Variants in XRCC1 observed in about 807,000 individuals in gnomAD.
XRCC1 encodes X-ray repair cross complementing 1.
XRCC1 carries 52 observed loss-of-function variants against 83.3 expected under a neutral mutation model. The ratio of observed to expected loss-of-function variants is 0.62; its 90% CI spans 0.50 to 0.79. XRCC1 has a LOEUF of 0.79. Ranked by LOEUF, XRCC1 falls within the 30% of genes least tolerant of loss-of-function variation. The pLI, the probability that XRCC1 is intolerant of heterozygous loss-of-function variation, is 0.00. For synonymous variants in XRCC1, 281 were observed against 312.6 expected (o/e 0.90, Z 1.07); for missense variants, 793 against 823.5 (o/e 0.96, Z 0.45).
rs1460376866 is a variant in XRCC1, at chr19:43,560,901, C to G, written c.255+9G>C. On this transcript the variant is annotated intron_variant, in intron 3 of 16. Coordinates refer to ENST00000262887, the MANE Select transcript of XRCC1 (RefSeq NM_006297.3). Reference sequence around the variant, plus strand: ...GTCAGTATGGGATCCATCTCATAGCCCTGCTTACCTCATAGTCTTGCTCCC... The same window carrying G: ...GTCAGTATGGGATCCATCTCATAGCGCTGCTTACCTCATAGTCTTGCTCCC... 1 of 1,610,072 alleles carries G rather than the reference C, an allele frequency of 6.2e-7. No homozygotes were observed. The highest frequency in any genetic ancestry group is 1.7e-5 in the Admixed American group (1 of 60,016).
Position 43,546,683 on chromosome 19 carries a change from G to A in XRCC1, c.1338C>T (p.Ser446=). The A allele has an allele frequency of 6.2e-7, 1 of 1,609,368 alleles. No homozygotes were observed. Among genetic ancestry groups the A allele is most frequent in the Non-Finnish European group, 8.5e-7 (1 of 1,178,774 alleles). The change falls in exon 12 of 17, where the codon AGC becomes AGT. Residue 446 remains serine (S), a synonymous_variant. Transcript: ENST00000262887. The part of the protein sequence containing the change: ...KTKPTQAAGP[S]SPQKPPTPEE... ...CAGGGGTTGGGGGCTTCTGGGGTGA[G>A]CTGGGTCCAGCTGCCTGAGTGGGCT... is the stretch of plus-strand genomic sequence containing the variant.
chr19:43,549,087 C>G (rs1972550645), intron 10 of XRCC1, among the ~76,000 whole-genome samples: 1 of 151,988 alleles, frequency 6.6e-6, no homozygotes, highest in Admixed American at 6.6e-5. Flanking sequence ...TAAAACGGTG[C>G]CTACAGGAGA....
intron 2 of XRCC1, among the ~76,000 whole-genome samples, chr19:43,561,879 G>C (rs3213321): frequency 6.6e-6 from 1 of 152,070 alleles, no homozygotes; most frequent in Non-Finnish European, 1.5e-5. Context: ...AAGGTACCTG[G>C]GCCAGGTGCA....
intron 8 of XRCC1, 45 bp from the exon 9 acceptor site, chr19:43,552,320 A>G: frequency 7.9e-6 from 11 of 1,399,274 alleles, no homozygotes; most frequent in South Asian, 1.2e-5. Context: ...ACTGGGGGTC[A>G]ACCCCCAGCC....
chr19:43,568,742 G>C (rs967601068), intron 2 of XRCC1, among the ~76,000 whole-genome samples: 1 of 149,444 alleles, frequency 6.7e-6, no homozygotes, highest in Non-Finnish European at 1.5e-5. Flanking sequence ...AGAAGAATGA[G>C]GGAGCAGGAG....
chr19:43,544,252 G>GCCTCATCTC lies in XRCC1; in HGVS notation c.1622-19_1622-18insGAGATGAGG. The GCCTCATCTC allele has an allele frequency of 6.3e-7, 1 of 1,591,946 alleles. No individual in the cohort carries two copies. The highest frequency in any genetic ancestry group is 8.6e-7 in the Non-Finnish European group (1 of 1,167,724). On this transcript the variant is annotated intron_variant, in intron 14 of 16. Coordinates refer to ENST00000262887, the MANE Select transcript of XRCC1 (RefSeq NM_006297.3). ...GAAGAAATCTGCAGGAGAGAAGGGG[G>GCCTCATCTC]CTAAGGTAAGCATGAGGCCCCAGGA... is the stretch of plus-strand genomic sequence containing the variant.
intron 2 of XRCC1, among the ~76,000 whole-genome samples, chr19:43,564,290 CAA>C (rs760857873): frequency 9.8e-5 from 15 of 152,286 alleles, no homozygotes; most frequent in Non-Finnish European, 1.6e-4. Context: ...AGTTACTACT[CAA>C]GAGTTATTAA....
chr19:43,553,581 G>T (rs756306381), intron 5 of XRCC1, 28 bp downstream of exon 5: 1 of 1,611,740 alleles, frequency 6.2e-7, no homozygotes, highest in Non-Finnish European at 8.5e-7. Context: ...CAGGGAGAAG[G>T]CCATGGGGAG....
intron 2 of XRCC1, among the ~76,000 whole-genome samples, chr19:43,564,798 A>G (rs922701430): frequency 3.3e-5 from 5 of 150,922 alleles, no homozygotes; most frequent in Non-Finnish European, 7.4e-5. Context: ...CAAAAAAACA[A>G]AAAAAAAACA....
intron 3 of XRCC1, chr19:43,555,074 C>T (rs1005072415): frequency 5.8e-5 from 17 of 295,624 alleles, no homozygotes; most frequent in Non-Finnish European, 1.0e-4. Flanking sequence ...GGCAATACAG[C>T]GGGCTACATG....
chr19:43,561,835 A>G (rs1000364833), intron 2 of XRCC1, among the ~76,000 whole-genome samples: 1 of 152,138 alleles, frequency 6.6e-6, no homozygotes, highest in Non-Finnish European at 1.5e-5. Context: ...CTCTTTTATT[A>G]GGATCCTAGA....
At chr19:43,551,780 C>CAGAG in intron 9 of XRCC1, 93 bp from the exon 10 acceptor site, 1 of 1,002,316 alleles carries the variant, frequency 1.0e-6, no homozygotes, top group Non-Finnish European at 1.5e-6. Flanking sequence ...GAGAGAGAGA[C>CAGAG]AGACAGACAG....
intron 2 of XRCC1, among the ~76,000 whole-genome samples, chr19:43,564,845 G>T (rs1245940350): frequency 6.6e-6 from 1 of 151,966 alleles, no homozygotes; most frequent in African/African-American, 2.4e-5. Context: ...GAGGTCAAAA[G>T]TCTGAAACTC....
chr19:43,568,169 G>A (rs984571320), intron 2 of XRCC1, among the ~76,000 whole-genome samples: 10 of 151,360 alleles, frequency 6.6e-5, no homozygotes, highest in South Asian at 2.1e-4. Context: ...CACCGCGCCC[G>A]GCCATGAAAT....
chr19:43,543,673 T>C lies in XRCC1; in HGVS notation c.1727A>G (p.Tyr576Cys). Residue 576 changes from tyrosine to cysteine, a missense_variant, in exon 16 of 17, where the codon TAT becomes TGT. Tyr to Cys is a radical substitution (Grantham distance 194). Coordinates refer to ENST00000262887, the MANE Select transcript of XRCC1 (RefSeq NM_006297.3). ...VTAFNGELEDYMSDRVQFVIT... is the reference protein window; with the variant it reads ...VTAFNGELEDCMSDRVQFVIT... ...CACAAACTGAACCCGGTCACTCATATAGTCCTCGAGCTCCCTGGCGGGAGA... is the reference window on the plus strand; with the variant it reads ...CACAAACTGAACCCGGTCACTCATACAGTCCTCGAGCTCCCTGGCGGGAGA... The C allele has an allele frequency of 6.2e-7, 1 of 1,613,908 alleles. No homozygotes were observed. The highest frequency in any genetic ancestry group is 1.1e-5 in the South Asian group (1 of 91,070).
rs541762023 is a variant in XRCC1 at position 43,546,643 on chromosome 19, C to G, written c.1378G>C (p.Ala460Pro). ...KPPTPEETKA[A>P]SPVLQEDIDI... is the part of the protein sequence containing the mutation. ...ATATCTTCCTGGAGCACTGGTGAGG[C>G]TGCTTTGGTCTCTTCAGGGGTTGGG... The change falls in exon 12 of 17, where the codon GCC (alanine) becomes CCC (proline). Residue 460 changes from alanine to proline, a missense_variant. Coordinates refer to ENST00000262887, the MANE Select transcript of XRCC1 (RefSeq NM_006297.3). The G allele has an allele frequency of 1.3e-5, 21 of 1,611,892 alleles. No homozygotes were observed. In the East Asian group the frequency reaches 4.5e-4, roughly 34 times the overall value.
chr19:43,560,290 G>T (rs1972684146), intron 3 of XRCC1, among the ~76,000 whole-genome samples: 2 of 152,110 alleles, frequency 1.3e-5, no homozygotes, highest in South Asian at 4.1e-4. Context: ...CAGCAACTCG[G>T]GAGGCTGAGG....
At position 43,545,483 on chromosome 19, in the gene XRCC1, C is replaced by T. The variant is rs1030429090; in HGVS notation, c.1621+335G>A. 3.3e-5 allele frequency among the ~76,000 whole-genome samples: 5 copies of T among 152,206 alleles called. No individual in the cohort carries two copies. In the South Asian group the frequency reaches 6.2e-4, roughly 19 times the overall value. On this transcript the variant is annotated intron_variant, in intron 14 of 16. Transcript: ENST00000262887. ...TGTGCCCGGCTTCACCCCAGACCAA[C>T]AGAACGGCACCTGAGCAAGTGAAGC...
chr19:43,575,198 G>T (rs1972844310), intron 1 of XRCC1, among the ~76,000 whole-genome samples, 196 bp from the exon 2 acceptor site: 1 of 152,142 alleles, frequency 6.6e-6, no homozygotes, highest in Non-Finnish European at 1.5e-5. Context: ...GGCTCTCCAA[G>T]AAAGCTTCCC....
Sources: allele counts gnomAD v4.1 joint callset (sites outside exome capture counted in the v4.1 genomes callset), GRCh38; gene constraint gnomAD v4.1.1; transcripts MANE v1.5; gene names NCBI Gene and HGNC (gene_info 2026-07-23, HGNC 2026-07-21).